The following MGAT1 variants were observed in gnomAD, a reference collection of about 807,000 sequenced individuals.
The protein encoded by MGAT1 is alpha-1,3-mannosyl-glycoprotein 2-beta-N-acetylglucosaminyltransferase.
A neutral mutation model predicts 31.7 loss-of-function variants in MGAT1; 14 were observed. The ratio of observed to expected loss-of-function variants is 0.44; its 90% CI spans 0.29 to 0.69. MGAT1 has a LOEUF of 0.69. Ranked by LOEUF, MGAT1 falls within the 30% of genes least tolerant of loss-of-function variation. The pLI is 0.12. For missense variants in MGAT1, 557 were observed against 626.0 expected, an observed-to-expected ratio of 0.89 and a Z score of 1.18; for synonymous variants, 338 against 276.0, an observed-to-expected ratio of 1.22 and a Z score of -2.23.
At chr5:180,803,048 C>G (rs1176728101), upstream of MGAT1, among the ~76,000 whole-genome samples, 1 of 152,224 alleles carries the variant, frequency 6.6e-6, no homozygotes, top group Non-Finnish European at 1.5e-5. Flanking sequence ...TGGCGCAACC[C>G]TGAGGGTGGA....
chr5:180,795,457 G>C (rs534069738), intron 1 of MGAT1: 9 of 152,236 alleles, frequency 5.9e-5, no homozygotes, highest in African/African-American at 1.9e-4. Context: ...TGGACAGTAG[G>C]TTAAAGTATC....
intron 1 of MGAT1, chr5:180,810,908 G>C (rs989387626): frequency 6.6e-6 from 1 of 152,244 alleles, no homozygotes; most frequent in Non-Finnish European, 1.5e-5. Flanking sequence ...CGGGCCCGCC[G>C]TCGCCGGCGC....
chr5:180,796,798 G>A (rs1717557692), intron 1 of MGAT1, among the ~76,000 whole-genome samples: 1 of 152,070 alleles, frequency 6.6e-6, no homozygotes, highest in Non-Finnish European at 1.5e-5. Flanking sequence ...TTTTAATAGA[G>A]ACGGGCTTTC....
At chr5:180,799,917 A>AC (rs1473406314) in intron 1 of MGAT1, among the ~76,000 whole-genome samples, 2 of 152,088 alleles carry the variant, frequency 1.3e-5, no homozygotes, top group Admixed American at 1.3e-4. Context: ...CATGGACAGG[A>AC]CCCCCATAGG....
At chr5:180,807,878 CAG>C (rs770247822) in intron 2 of MGAT1, among the ~76,000 whole-genome samples, 1 of 152,232 alleles carries the variant, frequency 6.6e-6, no homozygotes, top group African/African-American at 2.4e-5. Context: ...ACTCCTGACT[CAG>C]AGTTGTTTCT....
upstream of MGAT1, chr5:180,803,433 C>G (rs1256867480): frequency 6.6e-6 from 1 of 152,430 alleles, no homozygotes; most frequent in Non-Finnish European, 1.5e-5. Flanking sequence ...CAGCCCTAGG[C>G]GGGAAGGACT....
chr5:180,784,989 T>C lies in MGAT1; in HGVS notation c.*6645A>G, dbSNP rs755705700. 1 of 152,194 alleles carries C rather than the reference T, an allele frequency of 6.6e-6. No individual in the cohort carries two copies. The highest frequency in any genetic ancestry group is 1.5e-5 in the Non-Finnish European group (1 of 68,032). The allele number at this position is 152,194 out of a possible 1,614,324, so 9.4% of individuals were successfully genotyped here. On this transcript the variant is annotated 3_prime_UTR_variant, in exon 2 of 2. Transcript: ENST00000307826. ...GATCATGTCAGTGGAAAGAGTATGG[T>C]TCTTCTTTGTATTAGTCTTTCAACT...
In MGAT1 at chr5:180,792,891, G is replaced by A; in HGVS notation, c.81C>T (p.Phe27=). 3 of 1,606,080 alleles carry A rather than the reference G, an allele frequency of 1.9e-6. No homozygotes were observed. The highest frequency in any genetic ancestry group is 2.2e-5 in the South Asian group (2 of 89,506). ...TGCCAGGTGCTGGGCGCGTCCAGAA[G>A]AAGAGGAGCAGCAGGGCATTCCAGG... ...FVAWNALLLL[F]FWTRPAPGRP... Residue 27 remains phenylalanine (F), a synonymous_variant, in exon 2 of 2, where the codon TTC becomes TTT. Transcript: ENST00000307826.
In MGAT1 at chr5:180,791,602, G is replaced by A. The variant is rs772629963; in HGVS notation, c.*32C>T. ...TGGTCCCACCTCAGCTCATGATGTGGCAAGGAGGGGCCCAGGAAGGACAGG... is the reference window on the plus strand; with the variant it reads ...TGGTCCCACCTCAGCTCATGATGTGACAAGGAGGGGCCCAGGAAGGACAGG... On this transcript the variant is annotated 3_prime_UTR_variant, in exon 2 of 2. Coordinates refer to ENST00000307826, the MANE Select transcript of MGAT1 (RefSeq NM_002406.4). 6.2e-7 allele frequency: 1 copy of A among 1,603,514 alleles called. No homozygotes were observed. Among genetic ancestry groups the A allele is most frequent in the Non-Finnish European group, 8.5e-7 (1 of 1,174,446 alleles).
Position 180,792,123 on chromosome 5 carries a change from C to T in MGAT1, c.849G>A (p.Trp283Ter), listed in dbSNP as rs1768261263. The change falls in exon 2 of 2, where the codon TGG becomes TGA. Residue 283 changes from tryptophan (W) to a stop codon, truncating the protein, a stop_gained. Coordinates refer to ENST00000307826, the MANE Select transcript of MGAT1 (RefSeq NM_002406.4). LOFTEE classifies it high-confidence loss of function. ...AELWAELEPK[W>*]PKAFWDDWMR... ...TCCAGTCGTCCCAGAAGGCCTTTGG[C>T]CACTTGGGCTCCAGCTCAGCCCAGA... The T allele has an allele frequency of 6.2e-7, 1 of 1,613,204 alleles. No individual in the cohort carries two copies. The highest frequency in any genetic ancestry group is 8.5e-7 in the Non-Finnish European group (1 of 1,179,944).
chr5:180,806,277 T>C (rs1183654589), upstream of MGAT1, among the ~76,000 whole-genome samples: 1 of 151,998 alleles, frequency 6.6e-6, no homozygotes, highest in African/African-American at 2.4e-5. Context: ...AGAGCAAGAC[T>C]CTGTCTCAAA....
At position 180,789,197 on chromosome 5, in the gene MGAT1, G is replaced by A. The variant is rs1040354313; in HGVS notation, c.*2437C>T. ...AGCTGCTCCCAAGGCCACGGCCCTC[G>A]ACACAGCTCCCCAGACAACTCTGCC... On this transcript the variant is annotated 3_prime_UTR_variant, in exon 2 of 2. Transcript: ENST00000307826. The A allele has an allele frequency of 5.3e-5, 8 of 152,264 alleles. No homozygotes were observed. The highest frequency in any genetic ancestry group is 2.1e-4 in the South Asian group (1 of 4,830). 9.4% of individuals were successfully genotyped at this position (152,264 alleles called of 1,614,324 possible).
upstream of MGAT1, among the ~76,000 whole-genome samples, chr5:180,806,104 G>A (rs1259415872): frequency 1.3e-5 from 2 of 152,034 alleles, no homozygotes; most frequent in Admixed American, 1.3e-4. Context: ...TGGCCAACAT[G>A]GTGAAACCTC....
chr5:180,789,944 T>A lies in MGAT1; in HGVS notation c.*1690A>T, dbSNP rs541227683. On this transcript the variant is annotated 3_prime_UTR_variant, in exon 2 of 2. Coordinates refer to ENST00000307826, the MANE Select transcript of MGAT1 (RefSeq NM_002406.4). ...TGCGCCCGGCCGCGTTTTGTTCTTT[T>A]AAATGAATTAGTGGAGAACAGAAAC... 29 of 152,348 alleles carry A rather than the reference T, an allele frequency of 1.9e-4. No individual in the cohort carries two copies. Among genetic ancestry groups the A allele is most frequent in the African/African-American group, 6.3e-4 (26 of 41,570 alleles). The allele number at this position is 152,348 out of a possible 1,614,324, so 9.4% of individuals were successfully genotyped here. A position where few individuals can be genotyped will look rare whatever the true frequency, so the allele number is the denominator to read the frequency against.
At position 180,786,184 on chromosome 5, in the gene MGAT1, A is replaced by G. The variant is rs557687872; in HGVS notation, c.*5450T>C. On this transcript the variant is annotated 3_prime_UTR_variant, in exon 2 of 2. Transcript: ENST00000307826. ...CTGGCATGTGCCCTTGTCAGTCAGC[A>G]CTTCCGGGGCTGTGTGTGGCCTTCA... is the stretch of plus-strand genomic sequence containing the variant. 134 of 152,408 alleles carry G rather than the reference A, an allele frequency of 8.8e-4. No individual in the cohort carries two copies. The highest frequency in any genetic ancestry group is 3.0e-3 in the African/African-American group (124 of 41,586). The allele number at this position is 152,408 out of a possible 1,614,324, so 9.4% of individuals were successfully genotyped here. A position where few individuals can be genotyped will look rare whatever the true frequency, so the allele number is the denominator to read the frequency against.
rs183537126 is a variant in MGAT1 at position 180,785,841 on chromosome 5, G to A, written c.*5793C>T. The A allele has an allele frequency of 1.4e-4, 21 of 152,412 alleles. No homozygotes were observed. The highest frequency in any genetic ancestry group is 4.6e-4 in the African/African-American group (19 of 41,578). 9.4% of individuals were successfully genotyped at this position (152,412 alleles called of 1,614,324 possible). A position where few individuals can be genotyped will look rare whatever the true frequency, so the allele number is the denominator to read the frequency against. ...TTGGCAGGCTTGCCTCATTGCCCTT[G>A]CAGGGAAGGCTGCCTGTCTCTAGCC... On this transcript the variant is annotated 3_prime_UTR_variant, in exon 2 of 2. Transcript: ENST00000307826.
At chr5:180,802,588 G>C (rs1771082053) in intron 1 of MGAT1, 92 bp downstream of exon 1, 4 of 152,340 alleles carry the variant, frequency 2.6e-5, no homozygotes, top group Admixed American at 2.6e-4. Flanking sequence ...ATGGGCACCG[G>C]GGCTTTGGGG....
chr5:180,793,750 G>A (rs947895389), intron 1 of MGAT1, among the ~76,000 whole-genome samples: 2 of 152,112 alleles, frequency 1.3e-5, no homozygotes, highest in Non-Finnish European at 2.9e-5. Flanking sequence ...ATATACTAAT[G>A]GATAGCCTTC....
chr5:180,798,048 A>G (rs946959272), intron 1 of MGAT1, among the ~76,000 whole-genome samples: 1 of 152,208 alleles, frequency 6.6e-6, no homozygotes, highest in Non-Finnish European at 1.5e-5. Context: ...TCCAGGAAGC[A>G]CTGCTCAGGC....
Sources: allele counts gnomAD v4.1 joint callset (sites outside exome capture counted in the v4.1 genomes callset), GRCh38; gene constraint gnomAD v4.1.1; transcripts MANE v1.5; gene names NCBI Gene and HGNC (gene_info 2026-07-23, HGNC 2026-07-21).